UBTD2: variants seen among roughly 807,000 people sequenced by gnomAD.
The protein encoded by UBTD2 is ubiquitin domain-containing protein 2.
Under a neutral mutation model 19.8 loss-of-function variants are expected in UBTD2, and 9 were observed. That is an observed-to-expected ratio of 0.46 (90% confidence interval 0.27 to 0.79). UBTD2 has a LOEUF of 0.79. UBTD2 is among the 30% of genes least tolerant of loss of function. The pLI is 0.14. For synonymous variants in UBTD2, 98 were observed against 103.9 expected, an observed-to-expected ratio of 0.94 and a Z score of 0.35; for missense variants, 250 against 300.4, an observed-to-expected ratio of 0.83 and a Z score of 1.24.
At chr5:172,217,688 T>C (rs975920564) in intron 2 of UBTD2, among the ~76,000 whole-genome samples, 3 of 152,056 alleles carry the variant, frequency 2.0e-5, no homozygotes, top group South Asian at 2.1e-4. Context: ...GGTTTTGCCA[T>C]GTTCATGTTG....
chr5:172,262,295 C>T (rs1424237289), intron 1 of UBTD2, among the ~76,000 whole-genome samples: 3 of 151,140 alleles, frequency 2.0e-5, no homozygotes, highest in Non-Finnish European at 4.4e-5. Flanking sequence ...ACTAAAAATA[C>T]AAAAATTAGC....
chr5:172,262,135 G>C (rs574743621), intron 1 of UBTD2, among the ~76,000 whole-genome samples: 17 of 152,200 alleles, frequency 1.1e-4, no homozygotes, highest in Admixed American at 5.9e-4. Context: ...CTTCATTAAA[G>C]TCAAAGGGTC....
intron 1 of UBTD2, among the ~76,000 whole-genome samples, chr5:172,257,241 C>T (rs553307828): frequency 6.6e-6 from 1 of 152,270 alleles, no homozygotes; most frequent in African/African-American, 2.4e-5. Context: ...GTAGTATTTG[C>T]TTTTCTGTTT....
intron 1 of UBTD2, among the ~76,000 whole-genome samples, chr5:172,273,746 T>C (rs952440309): frequency 1.3e-5 from 2 of 152,136 alleles, no homozygotes; most frequent in Non-Finnish European, 2.9e-5. Flanking sequence ...ATGTAAACTC[T>C]AGTGCTAAAA....
chr5:172,227,860 T>C (rs1434588638), intron 2 of UBTD2, among the ~76,000 whole-genome samples: 2 of 151,992 alleles, frequency 1.3e-5, no homozygotes, highest in Non-Finnish European at 2.9e-5. Flanking sequence ...TTTGTATTTT[T>C]AGTAGAGACG....
chr5:172,230,056 T>G (rs1477449222), intron 2 of UBTD2, among the ~76,000 whole-genome samples: 1 of 152,194 alleles, frequency 6.6e-6, no homozygotes, highest in Admixed American at 6.5e-5. Context: ...GCAGGAAAAC[T>G]GAAAGGTATC....
At position 172,283,594 on chromosome 5, in the gene UBTD2, A is replaced by G. The variant is rs1424414621; in HGVS notation, c.70+2T>C. 2 of 1,307,086 alleles carry G rather than the reference A, an allele frequency of 1.5e-6. No homozygotes were observed. The highest frequency in any genetic ancestry group is 2.0e-6 in the Non-Finnish European group (2 of 1,019,204). The allele number at this position is 1,307,086 out of a possible 1,614,324, so 81.0% of individuals were successfully genotyped here. A position where few individuals can be genotyped will look rare whatever the true frequency, so the allele number is the denominator to read the frequency against. On this transcript the variant is annotated splice_donor_variant, in intron 1 of 2. Coordinates refer to ENST00000393792, the MANE Select transcript of UBTD2 (RefSeq NM_152277.3). LOFTEE classifies it high-confidence loss of function. The surrounding 1 kb of genome is among the most constrained non-coding windows in gnomAD (Gnocchi z 4.3). ...CGAGGCTGCCCCCTGGCGCTCACCT[A>G]CCTCCGGTGCCCTCCGAGTTCTCGT...
chr5:172,244,295 G>GTTTTTTTTT (rs1191361417), intron 1 of UBTD2, among the ~76,000 whole-genome samples: 43 of 126,050 alleles, frequency 3.4e-4, no homozygotes, highest in African/African-American at 1.1e-3. Context: ...TTTCCTCCCA[G>GTTTTTTTTT]TTTTTTTTTT....
At chr5:172,262,732 T>C (rs978794944) in intron 1 of UBTD2, among the ~76,000 whole-genome samples, 2 of 151,866 alleles carry the variant, frequency 1.3e-5, no homozygotes, top group Non-Finnish European at 2.9e-5. Context: ...GGAGAGTCGC[T>C]TGAACCCGGG....
intron 1 of UBTD2, among the ~76,000 whole-genome samples, chr5:172,269,982 CAGG>C (rs1755452515): frequency 6.6e-6 from 1 of 151,634 alleles, no homozygotes; most frequent in Non-Finnish European, 1.5e-5. Context: ...GAGGCTGAGG[CAGG>C]AGAATTGCTT....
rs181529518 is a variant in UBTD2, at chr5:172,273,569, C to T, written c.70+10027G>A. On this transcript the variant is annotated intron_variant, in intron 1 of 2. Transcript: ENST00000393792. ...TTGTACCACTGCGCTCCAGCCTGGG[C>T]GACAGAGTGAGACTCCGTCTCAAAA... Among the ~76,000 whole-genome samples, 338 of 125,760 alleles carry T rather than the reference C, an allele frequency of 2.7e-3. 11 individuals are homozygous for T. In the East Asian group the frequency reaches 0.065, roughly 24 times the overall value. 82.5% of individuals were successfully genotyped at this position (125,760 alleles called of 152,430 possible).
intron 1 of UBTD2, among the ~76,000 whole-genome samples, chr5:172,243,246 C>G (rs1478173328): frequency 6.6e-6 from 1 of 151,828 alleles, no homozygotes; most frequent in Non-Finnish European, 1.5e-5. Context: ...AGTTCTGACC[C>G]TGATATCACT....
chr5:172,252,515 C>T (rs542757415), intron 1 of UBTD2: 4 of 152,200 alleles, frequency 2.6e-5, no homozygotes, highest in Non-Finnish European at 4.4e-5. Context: ...AAAATAATTC[C>T]TAGGCAGCAT....
chr5:172,241,707 G>T (rs1008712399), intron 1 of UBTD2, among the ~76,000 whole-genome samples: 41 of 151,980 alleles, frequency 2.7e-4, no homozygotes, highest in Non-Finnish European at 5.7e-4. Context: ...GTAAATAAAA[G>T]TTTTTTTAAA....
intron 1 of UBTD2, among the ~76,000 whole-genome samples, chr5:172,257,695 G>C (rs1366188303): frequency 6.6e-6 from 1 of 152,018 alleles, no homozygotes; most frequent in Non-Finnish European, 1.5e-5. Context: ...TCTCATTCTG[G>C]TTCTGATTTA....
At chr5:172,244,822 G>A (rs914845430) in intron 1 of UBTD2, among the ~76,000 whole-genome samples, 5 of 151,176 alleles carry the variant, frequency 3.3e-5, no homozygotes, top group Admixed American at 6.6e-5. Context: ...TCCAACTCCC[G>A]GGTTCAAGCG....
intron 1 of UBTD2, chr5:172,242,534 A>G: frequency 1.7e-6 from 1 of 576,766 alleles, no homozygotes; most frequent in Non-Finnish European, 2.2e-6. Flanking sequence ...TTAACCTATA[A>G]ATAGGAAGTT....
At chr5:172,246,957 T>C (rs1754896579) in intron 1 of UBTD2, among the ~76,000 whole-genome samples, 1 of 151,692 alleles carries the variant, frequency 6.6e-6, no homozygotes, top group Admixed American at 6.6e-5. Context: ...GGTTTCACCA[T>C]GTTGGTCCGG....
intron 1 of UBTD2, among the ~76,000 whole-genome samples, chr5:172,238,461 C>G (rs930283501): frequency 6.6e-6 from 1 of 152,100 alleles, no homozygotes; most frequent in Admixed American, 6.6e-5. Context: ...TATCCTTTCC[C>G]CCATCAATCC....
Sources: gnomAD v4.1 joint callset for allele counts (sites outside exome capture counted in the v4.1 genomes callset) on GRCh38, gnomAD v4.1.1 for gene constraint, Gnocchi (gnomAD v3.1) non-coding constraint, MANE v1.5 for transcripts, NCBI Gene and HGNC (gene_info 2026-07-23, HGNC 2026-07-21) for gene names.